BIRC6: variants seen among roughly 807,000 people sequenced by gnomAD.
BIRC6 encodes dual E2 ubiquitin-conjugating enzyme/E3 ubiquitin-protein ligase BIRC6.
BIRC6 carries 98 observed loss-of-function variants against 503.3 expected under a neutral mutation model. That is an observed-to-expected ratio of 0.19 (90% CI 0.17 to 0.23). The LOEUF (loss-of-function observed/expected upper bound fraction) is 0.23, where lower values mean the gene tolerates loss of function less well. Among genes scored for constraint, BIRC6 ranks in the 10% least tolerant of loss-of-function variants. The pLI, the probability that BIRC6 is intolerant of heterozygous loss-of-function variation, is 1.00. For missense variants in BIRC6, 5,360 were observed against 5,806.0 expected (o/e 0.92, Z 2.50); for synonymous variants, 2,240 against 2,078.7 (o/e 1.08, Z -2.11).
At chr2:32,437,412 G>C (rs1383188802) in intron 15 of BIRC6, among the ~76,000 whole-genome samples, 1 of 152,122 alleles carries the variant, frequency 6.6e-6, no homozygotes, top group Non-Finnish European at 1.5e-5. Context: ...TTGGGGTGGG[G>C]TGGGATGTAG....
At chr2:32,444,267 T>G (rs1431001830) in intron 20 of BIRC6, among the ~76,000 whole-genome samples, 1 of 152,098 alleles carries the variant, frequency 6.6e-6, no homozygotes, top group Non-Finnish European at 1.5e-5. Flanking sequence ...GTTAAAAGAT[T>G]TAAAGTGTTC....
intron 15 of BIRC6, 137 bp downstream of exon 15, chr2:32,436,321 T>C: frequency 1.4e-6 from 1 of 737,680 alleles, no homozygotes; most frequent in Admixed American, 3.7e-5. Context: ...TTCTGGTAGC[T>C]GAGGTCATTT....
intron 45 of BIRC6, among the ~76,000 whole-genome samples, chr2:32,495,657 T>G (rs141538693): frequency 1.7e-3 from 256 of 152,274 alleles, no homozygotes; most frequent in African/African-American, 5.9e-3. Context: ...TTTTTTGTTG[T>G]TGTTACCCTC....
intron 58 of BIRC6, 134 bp downstream of exon 58, chr2:32,525,153 A>AT (rs1263330009): frequency 6.0e-6 from 5 of 831,154 alleles, no homozygotes; most frequent in African/African-American, 5.4e-5. Flanking sequence ...TTAATACTAG[A>AT]TTTTTATCTT....
intron 73 of BIRC6, among the ~76,000 whole-genome samples, chr2:32,617,132 A>C (rs1373825104): frequency 6.6e-6 from 1 of 152,104 alleles, no homozygotes; most frequent in Non-Finnish European, 1.5e-5. Flanking sequence ...GGCCGGGTGC[A>C]TTGGCTCACG....
At chr2:32,466,233 T>C (rs2048524698) in intron 26 of BIRC6, among the ~76,000 whole-genome samples, 1 of 152,222 alleles carries the variant, frequency 6.6e-6, no homozygotes, top group Non-Finnish European at 1.5e-5. Context: ...GTAAGATTAC[T>C]AGCTGACCCA....
chr2:32,476,466 A>G (rs1465511506), intron 34 of BIRC6, 122 bp downstream of exon 34: 14 of 1,057,066 alleles, frequency 1.3e-5, no homozygotes, highest in Non-Finnish European at 1.8e-5. Flanking sequence ...CCTACTCTGG[A>G]CTTTTTTTTG....
At chr2:32,388,699 T>C (rs375421958) in intron 3 of BIRC6, 51 bp from the exon 4 acceptor site, 14 of 1,330,786 alleles carry the variant, frequency 1.1e-5, no homozygotes, top group African/African-American at 1.5e-5. Flanking sequence ...ATGATTTTGG[T>C]TAAAACTGTT....
chr2:32,605,423 A>G (rs926239057), intron 71 of BIRC6, among the ~76,000 whole-genome samples: 3 of 152,216 alleles, frequency 2.0e-5, no homozygotes, highest in Non-Finnish European at 4.4e-5. Context: ...ATAAATTTGT[A>G]ATGAATATTT....
At position 32,463,526 on chromosome 2, in the gene BIRC6, C is replaced by T. The variant is rs2048217012; in HGVS notation, c.4941+145C>T. 5.7e-6 allele frequency: 4 copies of T among 706,922 alleles called. No homozygotes were observed. The Admixed American group carries it at 1.4e-4, about 25-fold the overall frequency. 43.8% of individuals were successfully genotyped at this position (706,922 alleles called of 1,614,324 possible). On this transcript the variant is annotated intron_variant, in intron 24 of 73. Transcript: ENST00000421745. ...GTTTCAACAAAAATTGAGGTAAAGTCTTTGTGATATTTAAATTGGTTAAAA... is the reference window on the plus strand; with the variant it reads ...GTTTCAACAAAAATTGAGGTAAAGTTTTTGTGATATTTAAATTGGTTAAAA...
Position 32,392,170 on chromosome 2 carries a change from A to G in BIRC6, c.951+20A>G, listed in dbSNP as rs2039309407. The G allele has an allele frequency of 2.7e-6, 4 of 1,504,176 alleles. No homozygotes were observed. The highest frequency in any genetic ancestry group is 1.7e-4 in the Middle Eastern group (1 of 5,894). 93.2% of individuals were successfully genotyped at this position (1,504,176 alleles called of 1,614,324 possible). A position where few individuals can be genotyped will look rare whatever the true frequency, so the allele number is the denominator to read the frequency against. The stretch of plus-strand genomic sequence containing the variant: ...CATCAGGTAAAAAAAGAATATAAAA[A>G]AATACTTTTCTCAGTAGGCCTTTGT... On this transcript the variant is annotated intron_variant, in intron 5 of 73. Coordinates refer to ENST00000421745, the MANE Select transcript of BIRC6 (RefSeq NM_016252.4).
At chr2:32,569,529 T>G (rs1361234852) in intron 65 of BIRC6, among the ~76,000 whole-genome samples, 2 of 152,036 alleles carry the variant, frequency 1.3e-5, no homozygotes, top group Non-Finnish European at 2.9e-5. Flanking sequence ...CCACCACACC[T>G]GACTAATTTC....
At chr2:32,511,476 A>ATTTTTT (rs1166383796) in intron 53 of BIRC6, among the ~76,000 whole-genome samples, 34 of 80,164 alleles carry the variant, frequency 4.2e-4, no homozygotes, top group Non-Finnish European at 5.5e-4. Flanking sequence ...TAACTGACTA[A>ATTTTTT]TTTTTTTTTT....
At chr2:32,602,381 A>G (rs906766429) in intron 70 of BIRC6, 2 of 152,332 alleles carry the variant, frequency 1.3e-5, no homozygotes, top group African/African-American at 4.8e-5. Context: ...AGCTAAAAAA[A>G]TTGATCTCAA....
chr2:32,404,474 C>A (rs2040965026), intron 8 of BIRC6, among the ~76,000 whole-genome samples: 1 of 151,270 alleles, frequency 6.6e-6, no homozygotes, highest in African/African-American at 2.4e-5. Flanking sequence ...GCCACCATGC[C>A]TGGGTAAATT....
rs771293125 is a variant in BIRC6, at chr2:32,429,129, A to C, written c.2873-17A>C. The stretch of plus-strand genomic sequence containing the variant: ...TTACCTATTTTTCATGTATCTATGA[A>C]ATTTACTACACTGTAGGTGGTGAGC... On this transcript the variant is annotated splice_polypyrimidine_tract_variant and intron_variant, in intron 10 of 73. Transcript: ENST00000421745. 5.1e-6 allele frequency: 8 copies of C among 1,563,968 alleles called. No individual in the cohort carries two copies. Among genetic ancestry groups the C allele is most frequent in the Non-Finnish European group, 6.9e-6 (8 of 1,157,700 alleles).
At chr2:32,359,740 A>G (rs1229064868) in intron 1 of BIRC6, among the ~76,000 whole-genome samples, 1 of 152,124 alleles carries the variant, frequency 6.6e-6, no homozygotes, top group Non-Finnish European at 1.5e-5. Flanking sequence ...TGTAAAATTT[A>G]TTCGTATTTG....
intron 71 of BIRC6, among the ~76,000 whole-genome samples, chr2:32,605,074 G>C (rs2151602312): frequency 6.6e-6 from 1 of 151,850 alleles, no homozygotes; most frequent in South Asian, 2.1e-4. Flanking sequence ...GTAGAGACAG[G>C]GTTTCACCAT....
In BIRC6 at chr2:32,423,679, C is replaced by A. The variant is rs373374446; in HGVS notation, c.2873-5467C>A. On this transcript the variant is annotated intron_variant, in intron 10 of 73. Coordinates refer to ENST00000421745, the MANE Select transcript of BIRC6 (RefSeq NM_016252.4). The stretch of plus-strand genomic sequence containing the variant: ...CATTACAGTAGGGCCCATCCACCCC[C>A]CCAATCCCTGCCCCTTATCTGTGGT... Among the ~76,000 whole-genome samples, 9 of 152,274 alleles carry A rather than the reference C, an allele frequency of 5.9e-5. No homozygotes were observed. In the South Asian group the frequency reaches 1.2e-3, roughly 21 times the overall value.
Sources: allele counts gnomAD v4.1 joint callset (sites outside exome capture counted in the v4.1 genomes callset), GRCh38; gene constraint gnomAD v4.1.1; transcripts MANE v1.5; gene names NCBI Gene and HGNC (gene_info 2026-07-23, HGNC 2026-07-21).